The following RGS2 variants were observed in gnomAD, a reference collection of about 807,000 sequenced individuals.
RGS2 encodes the protein regulator of G protein signaling 2.
RGS2 carries 20 observed loss-of-function variants against 26.6 expected under a neutral mutation model. That is an observed-to-expected ratio of 0.75 (90% CI 0.53 to 1.09). The LOEUF is 1.09. Among genes scored for constraint, RGS2 ranks in the 50% least tolerant of loss-of-function variants. RGS2 has a pLI of 0.00. For missense variants in RGS2, 246 were observed against 245.5 expected (o/e 1.00, Z -0.01); for synonymous variants, 97 against 79.9 (o/e 1.21, Z -1.14).
rs1297548403 is a variant in RGS2, at chr1:192,812,166, G to A, written c.*570G>A. The A allele has an allele frequency of 1.3e-5, 2 of 156,004 alleles. No individual in the cohort carries two copies. Among genetic ancestry groups the A allele is most frequent in the East Asian group, 1.9e-4 (1 of 5,298 alleles). 9.7% of individuals were successfully genotyped at this position (156,004 alleles called of 1,614,324 possible). On this transcript the variant is annotated 3_prime_UTR_variant, in exon 5 of 5. Transcript: ENST00000235382. The stretch of plus-strand genomic sequence containing the variant: ...GAAATAGAATGAGTGCTATGGTGTT[G>A]AAAACTGCAGTGTCCGTTATGAGTG...
intron 3 of RGS2, 56 bp downstream of exon 3, chr1:192,810,487 T>A (rs1557910650): frequency 6.6e-7 from 1 of 1,510,696 alleles, no homozygotes. Flanking sequence ...CTGGAAAGGC[T>A]GCGTCCACCT....
chr1:192,809,099 C>A lies in RGS2; in HGVS notation c.28C>A (p.Gln10Lys). 6.2e-7 allele frequency: 1 copy of A among 1,613,926 alleles called. No homozygotes were observed. MQSAMFLAVQHDCRPMDKSA... is the reference protein window; with the variant it reads MQSAMFLAVKHDCRPMDKSA... The stretch of plus-strand genomic sequence containing the variant: ...GCAAAGTGCTATGTTCTTGGCTGTT[C>A]AACACGACTGCAGACCCATGGACAA... The change falls in exon 1 of 5, where the codon CAA becomes AAA. Residue 10 changes from glutamine (Q) to lysine (K), a missense_variant. By Grantham distance (53) the Gln-to-Lys change is moderately conservative (BLOSUM62 1). Coordinates refer to ENST00000235382, the MANE Select transcript of RGS2 (RefSeq NM_002923.4).
Position 192,810,169 on chromosome 1 carries a change from A to G in RGS2, c.114A>G (p.Leu38=), listed in dbSNP as rs1665561340. 1.3e-6 allele frequency: 2 copies of G among 1,594,200 alleles called. No homozygotes were observed. Among genetic ancestry groups the G allele is most frequent in the Non-Finnish European group, 1.7e-6 (2 of 1,161,996 alleles). The change falls in exon 2 of 5, where the codon TTA becomes TTG. Residue 38 remains leucine, a synonymous_variant. Coordinates refer to ENST00000235382, the MANE Select transcript of RGS2 (RefSeq NM_002923.4). ...EKREKMKRTL[L]KDWKTRLSYF... ...TCTTTTTAATTTTTTGTTTTAGTTT[A>G]AAAGATTGGAAGACCCGTTTGAGCT...
Position 192,809,273 on chromosome 1 carries a change from A to C in RGS2, c.110+92A>C, listed in dbSNP as rs201310006. 3 of 925,972 alleles carry C rather than the reference A, an allele frequency of 3.2e-6. No individual in the cohort carries two copies. In the East Asian group the frequency reaches 7.2e-5, roughly 22 times the overall value. 57.4% of individuals were successfully genotyped at this position (925,972 alleles called of 1,614,324 possible). ...TTTCGGGCTCGCCTTTGACGTTAGG[A>C]AACTAGCCTGAGCCTATGCAGGGAA... On this transcript the variant is annotated intron_variant, in intron 1 of 4. Coordinates refer to ENST00000235382, the MANE Select transcript of RGS2 (RefSeq NM_002923.4).
chr1:192,809,195 T>C lies in RGS2; in HGVS notation c.110+14T>C. On this transcript the variant is annotated intron_variant, in intron 1 of 4. Coordinates refer to ENST00000235382, the MANE Select transcript of RGS2 (RefSeq NM_002923.4). The stretch of plus-strand genomic sequence containing the variant: ...GAAACGGACCCTGTGAGTATGGCTT[T>C]CTTCCCTCTCCCGCCACCCCCTGCC... The C allele has an allele frequency of 6.4e-7, 1 of 1,557,432 alleles. No homozygotes were observed. The highest frequency in any genetic ancestry group is 8.9e-7 in the Non-Finnish European group (1 of 1,128,384).
At chr1:192,809,933 A>G (rs1435235680) in intron 1 of RGS2, among the ~76,000 whole-genome samples, 2 of 152,250 alleles carry the variant, frequency 1.3e-5, no homozygotes, top group African/African-American at 4.8e-5. Flanking sequence ...GATTATAGGT[A>G]GCCCTGCCCT....
chr1:192,811,712 C>A lies in RGS2; in HGVS notation c.*116C>A. The A allele has an allele frequency of 9.9e-7, 1 of 1,013,838 alleles. No individual in the cohort carries two copies. Among genetic ancestry groups the A allele is most frequent in the Non-Finnish European group, 1.6e-6 (1 of 638,818 alleles). The allele number at this position is 1,013,838 out of a possible 1,614,324, so 62.8% of individuals were successfully genotyped here. On this transcript the variant is annotated 3_prime_UTR_variant, in exon 5 of 5. Coordinates refer to ENST00000235382, the MANE Select transcript of RGS2 (RefSeq NM_002923.4). ...CAGCCTGGGTGTTCAGGAAACATCA[C>A]TCAGAACTATTGATTCAAAGTTGGG...
chr1:192,809,209 C>G, intron 1 of RGS2, 28 bp downstream of exon 1: 1 of 1,468,522 alleles, frequency 6.8e-7, no homozygotes, highest in South Asian at 1.1e-5. Flanking sequence ...CCCTCTCCCG[C>G]CACCCCCTGC....
Position 192,810,372 on chromosome 1 carries a change from C to T in RGS2, c.215C>T (p.Pro72Leu). The change falls in exon 3 of 5, where the codon CCT becomes CTT. Residue 72 changes from proline (P) to leucine (L), a missense_variant and splice_region_variant. By Grantham distance (98) the Pro-to-Leu change is moderately conservative. Coordinates refer to ENST00000235382, the MANE Select transcript of RGS2 (RefSeq NM_002923.4). ...AACATACAGAACCTCTCTTGCAGGC[C>T]TTCTCCTGAGGAAGCACAGCTGTGG... ...KKSKQQAFIK[P>L]SPEEAQLWSE... The T allele has an allele frequency of 1.2e-6, 2 of 1,614,146 alleles. No individual in the cohort carries two copies. The highest frequency in any genetic ancestry group is 8.5e-7 in the Non-Finnish European group (1 of 1,179,970).
intron 4 of RGS2, 29 bp downstream of exon 4, chr1:192,811,176 C>T (rs772940819): frequency 1.9e-6 from 3 of 1,609,370 alleles, no homozygotes; most frequent in African/African-American, 2.7e-5. Flanking sequence ...AATTTCAGCA[C>T]AATCTGGACA....
At position 192,811,210 on chromosome 1, in the gene RGS2, A is replaced by C; in HGVS notation, c.441+63A>C. On this transcript the variant is annotated intron_variant, in intron 4 of 4. Coordinates refer to ENST00000235382, the MANE Select transcript of RGS2 (RefSeq NM_002923.4). ...CATCTTTAGCACAAAAGTGAAACAA[A>C]GTAATCAAGGACAAAGCGGGCTAGG... 2.1e-6 allele frequency: 3 copies of C among 1,410,446 alleles called. No individual in the cohort carries two copies. The South Asian group carries it at 3.6e-5, about 17-fold the overall frequency. 87.4% of individuals were successfully genotyped at this position (1,410,446 alleles called of 1,614,324 possible). A position where few individuals can be genotyped will look rare whatever the true frequency, so the allele number is the denominator to read the frequency against.
chr1:192,811,739 A>G lies in RGS2; in HGVS notation c.*143A>G. The G allele has an allele frequency of 1.2e-6, 1 of 829,200 alleles. No individual in the cohort carries two copies. 51.4% of individuals were successfully genotyped at this position (829,200 alleles called of 1,614,324 possible). A position where few individuals can be genotyped will look rare whatever the true frequency, so the allele number is the denominator to read the frequency against. On this transcript the variant is annotated 3_prime_UTR_variant, in exon 5 of 5. Coordinates refer to ENST00000235382, the MANE Select transcript of RGS2 (RefSeq NM_002923.4). ...CAGAACTATTGATTCAAAGTTGGGT[A>G]GTGAATCAGGAAGCCAGTAACTGAC...
chr1:192,809,295 G>T, intron 1 of RGS2, 114 bp downstream of exon 1: 1 of 796,412 alleles, frequency 1.3e-6, no homozygotes, highest in Non-Finnish European at 2.2e-6. Flanking sequence ...GCCTATGCAG[G>T]GAAAAAAAAT....
In RGS2 at chr1:192,809,040, C is replaced by T. The variant is rs367837079; in HGVS notation, c.-32C>T. 201 of 1,535,058 alleles carry T rather than the reference C, an allele frequency of 1.3e-4. No individual in the cohort carries two copies. Among genetic ancestry groups the T allele is most frequent in the Non-Finnish European group, 1.7e-4 (189 of 1,107,898 alleles). ...AAATGCTGCGACGCACGCCCAGCCG[C>T]AAACAGCCGGGGCTCCAGCGGGAGA... On this transcript the variant is annotated 5_prime_UTR_variant, in exon 1 of 5. Coordinates refer to ENST00000235382, the MANE Select transcript of RGS2 (RefSeq NM_002923.4).
chr1:192,810,607 C>T, intron 3 of RGS2, 176 bp downstream of exon 3: 1 of 683,362 alleles, frequency 1.5e-6, no homozygotes, highest in South Asian at 1.6e-5. Flanking sequence ...CATATATTCT[C>T]TCCAGGTGGG....
chr1:192,811,630 T>C lies in RGS2; in HGVS notation c.*34T>C. 6.3e-7 allele frequency: 1 copy of C among 1,594,408 alleles called. No individual in the cohort carries two copies. Among genetic ancestry groups the C allele is most frequent in the Middle Eastern group, 1.7e-4 (1 of 6,012 alleles). ...AGGGAGCCCAGAAATGGAGGACATT[T>C]CATTCTTTTTCCTGAGGGGAAGGAC... On this transcript the variant is annotated 3_prime_UTR_variant, in exon 5 of 5. Transcript: ENST00000235382.
chr1:192,810,520 G>C (rs537691552), intron 3 of RGS2, 89 bp downstream of exon 3: 1 of 1,169,074 alleles, frequency 8.6e-7, no homozygotes, highest in Non-Finnish European at 1.3e-6. Context: ...GCTTGCCTGA[G>C]GGGGATTAGA....
chr1:192,811,237 G>T, intron 4 of RGS2, 90 bp downstream of exon 4: 1 of 1,489,740 alleles, frequency 6.7e-7, no homozygotes. Context: ...CGGGCTAGGA[G>T]GGGTAAAAAG....
Position 192,811,441 on chromosome 1 carries a change from A to G in RGS2, c.481A>G (p.Asn161Asp). 1 of 1,614,054 alleles carries G rather than the reference A, an allele frequency of 6.2e-7. No individual in the cohort carries two copies. Among genetic ancestry groups the G allele is most frequent in the Non-Finnish European group, 8.5e-7 (1 of 1,179,984 alleles). ...DFQTKTLIAQ[N>D]IQEATSGCFT... ...TCAAACCAAAACTCTGATTGCCCAG[A>G]ATATACAAGAAGCTACAAGTGGCTG... Residue 161 changes from asparagine (N) to aspartate (D), a missense_variant, in exon 5 of 5, where the codon AAT becomes GAT. Transcript: ENST00000235382.
Sources: allele counts gnomAD v4.1 joint callset (sites outside exome capture counted in the v4.1 genomes callset), GRCh38; gene constraint gnomAD v4.1.1; transcripts MANE v1.5; gene names NCBI Gene and HGNC (gene_info 2026-07-23, HGNC 2026-07-21).